The following SLC22A5 variants were observed in gnomAD, a reference collection of about 807,000 sequenced individuals.
SLC22A5 encodes organic cation/carnitine transporter 2.
SLC22A5 carries 44 observed loss-of-function variants against 56.7 expected under a neutral mutation model. The observed-to-expected ratio is 0.78, with a 90% CI of 0.61 to 1.00. The LOEUF is 1.00. Among genes scored for constraint, SLC22A5 ranks in the 50% least tolerant of loss-of-function variants. SLC22A5 has a pLI of 0.00. For synonymous variants in SLC22A5, 278 were observed against 292.1 expected (o/e 0.95, Z 0.49); for missense variants, 675 against 723.0 (o/e 0.93, Z 0.76).
At chr5:132,393,419 C>T (rs1396633256) in intron 8 of SLC22A5, among the ~76,000 whole-genome samples, 1 of 152,192 alleles carries the variant, frequency 6.6e-6, no homozygotes, top group East Asian at 1.9e-4. Context: ...CATGGCCCAG[C>T]TCTTCTACTG....
intron 1 of SLC22A5, among the ~76,000 whole-genome samples, chr5:132,371,444 C>T (rs1274647404): frequency 6.6e-6 from 1 of 152,132 alleles, no homozygotes. Flanking sequence ...GATTTTCCCT[C>T]TGGGTGGTTT....
intron 4 of SLC22A5, 114 bp from the exon 5 acceptor site, chr5:132,386,911 A>G (rs1413861229): frequency 3.5e-6 from 4 of 1,143,876 alleles, no homozygotes; most frequent in African/African-American, 1.5e-5. Flanking sequence ...ATCACCAAAC[A>G]TTCCACAAGC....
At chr5:132,387,565 A>C (rs190679027) in intron 5 of SLC22A5, among the ~76,000 whole-genome samples, 1 of 152,308 alleles carries the variant, frequency 6.6e-6, no homozygotes, top group East Asian at 1.9e-4. Context: ...GTAAAGCACA[A>C]ATAGATTTGG....
intron 1 of SLC22A5, among the ~76,000 whole-genome samples, chr5:132,371,762 A>C (rs1456908680): frequency 6.6e-6 from 1 of 152,110 alleles, no homozygotes; most frequent in Non-Finnish European, 1.5e-5. Context: ...ACCACCCAGC[A>C]GGACGGCGGA....
chr5:132,376,664 G>A (rs1356660863), intron 1 of SLC22A5: 1 of 152,224 alleles, frequency 6.6e-6, no homozygotes, highest in African/African-American at 2.4e-5. Flanking sequence ...AGAAACCGCT[G>A]CTGACCCTTT....
At chr5:132,388,120 C>A (rs4646306) in intron 5 of SLC22A5, among the ~76,000 whole-genome samples, 17 of 152,154 alleles carry the variant, frequency 1.1e-4, no homozygotes, top group African/African-American at 4.1e-4. Context: ...GGGTCCTGTG[C>A]GCAAAGGTCA....
Position 132,370,073 on chromosome 5 carries a change from T to G in SLC22A5, c.101T>G (p.Phe34Cys). Residue 34 changes from phenylalanine (F) to cysteine (C), a missense_variant, in exon 1 of 10, where the codon TTC (phenylalanine) becomes TGC (cysteine). By Grantham distance (205) the Phe-to-Cys change is radical. Transcript: ENST00000245407. ...AGCGCCAGCATCATCCCCAATGGCT[T>G]CACCGGCCTGTCCTCCGTGTTCCTG... ...LLSASIIPNG[F>C]TGLSSVFLIA... The G allele has an allele frequency of 1.2e-6, 2 of 1,613,046 alleles. No homozygotes were observed. The highest frequency in any genetic ancestry group is 1.7e-6 in the Non-Finnish European group (2 of 1,179,680).
chr5:132,380,923 G>C (rs1451733717), intron 2 of SLC22A5: 1 of 151,922 alleles, frequency 6.6e-6, no homozygotes, highest in Non-Finnish European at 1.5e-5. Flanking sequence ...AGGTTGCCTG[G>C]GGAGAGGGGA....
At chr5:132,391,387 C>T (rs1472020520) in intron 7 of SLC22A5, among the ~76,000 whole-genome samples, 1 of 152,090 alleles carries the variant, frequency 6.6e-6, no homozygotes, top group East Asian at 1.9e-4. Context: ...AAATAAAATG[C>T]TTAATATAGT....
chr5:132,375,488 T>TAGGAAGGGGCACACA, intron 1 of SLC22A5, among the ~76,000 whole-genome samples: 1 of 152,202 alleles, frequency 6.6e-6, no homozygotes, highest in Admixed American at 6.5e-5. Flanking sequence ...CCTATCTTTT[T>TAGGAAGGGGCACACA]TCCCTTCCTG....
intron 3 of SLC22A5, 54 bp from the exon 4 acceptor site, chr5:132,385,274 A>C: frequency 6.8e-7 from 1 of 1,479,248 alleles, no homozygotes; most frequent in Non-Finnish European, 9.4e-7. Context: ...TAAAAAATTA[A>C]TAAGGAAGGA....
Position 132,388,632 on chromosome 5 carries a change from G to T in SLC22A5, c.952-289G>T, listed in dbSNP as rs1382703027. On this transcript the variant is annotated intron_variant, in intron 5 of 9. Coordinates refer to ENST00000245407, the MANE Select transcript of SLC22A5 (RefSeq NM_003060.4). The stretch of plus-strand genomic sequence containing the variant: ...AATGTGGCCACCGACAGGAATATGT[G>T]GGGGTGCAGTGAGGAAGCTGTCAGC... Among the ~76,000 whole-genome samples the T allele has an allele frequency of 2.0e-5, 3 of 152,122 alleles. No homozygotes were observed. The East Asian group carries it at 5.8e-4, about 29-fold the overall frequency.
chr5:132,372,394 A>C (rs747444304), intron 1 of SLC22A5, among the ~76,000 whole-genome samples: 10 of 152,168 alleles, frequency 6.6e-5, no homozygotes, highest in Non-Finnish European at 1.0e-4. Flanking sequence ...AAGCAAGAAG[A>C]AGCACATGGC....
chr5:132,392,396 G>A (rs1212191863), intron 7 of SLC22A5, 37 bp from the exon 8 acceptor site: 1 of 1,584,484 alleles, frequency 6.3e-7, no homozygotes, highest in African/African-American at 1.3e-5. Context: ...GCCATGGGTT[G>A]GTACCTACTC....
chr5:132,369,740 G>T lies in SLC22A5; in HGVS notation c.-233G>T. 1 of 476,984 alleles carries T rather than the reference G, an allele frequency of 2.1e-6. No homozygotes were observed. Among genetic ancestry groups the T allele is most frequent in the Non-Finnish European group, 3.5e-6 (1 of 283,698 alleles). 29.5% of individuals were successfully genotyped at this position (476,984 alleles called of 1,614,324 possible). ...CGCCGGCGCCGCTCTGCCTGCCAGC[G>T]GGGCGCGCCTTGCGGCCCAGGCCCG... On this transcript the variant is annotated 5_prime_UTR_variant, in exon 1 of 10. Coordinates refer to ENST00000245407, the MANE Select transcript of SLC22A5 (RefSeq NM_003060.4).
rs1410043581 is a variant in SLC22A5 at position 132,388,763 on chromosome 5, CT to C, written c.952-157del. 1.7e-4 allele frequency: 114 copies of C among 675,580 alleles called. 2 individuals are homozygous for C. The South Asian group carries it at 1.7e-3, about 10-fold the overall frequency. The allele number at this position is 675,580 out of a possible 1,614,324, so 41.8% of individuals were successfully genotyped here. A position where few individuals can be genotyped will look rare whatever the true frequency, so the allele number is the denominator to read the frequency against. On this transcript the variant is annotated intron_variant, in intron 5 of 9. Coordinates refer to ENST00000245407, the MANE Select transcript of SLC22A5 (RefSeq NM_003060.4). The stretch of plus-strand genomic sequence containing the variant: ...CAAGGCCTAGGGAAGTTTTCACAGC[CT>C]AAAACACAGTCAGTATACTTACTGT...
At chr5:132,391,956 C>T (rs1048356318) in intron 7 of SLC22A5, among the ~76,000 whole-genome samples, 8 of 152,228 alleles carry the variant, frequency 5.3e-5, no homozygotes, top group African/African-American at 1.9e-4. Flanking sequence ...GCTCTCCCAT[C>T]AGCACAGCAC....
intron 6 of SLC22A5, chr5:132,389,374 G>A (rs1752631479): frequency 2.8e-6 from 1 of 355,056 alleles, no homozygotes; most frequent in African/African-American, 2.1e-5. Context: ...CTTTTAAGAA[G>A]GATCTGAGTG....
intron 6 of SLC22A5, chr5:132,390,274 C>T: frequency 3.0e-6 from 1 of 333,356 alleles, no homozygotes; most frequent in South Asian, 2.5e-5. Flanking sequence ...ATCTTATCCC[C>T]CAAATCCTAT....
Sources: gnomAD v4.1 joint callset for allele counts (sites outside exome capture counted in the v4.1 genomes callset) on GRCh38, gnomAD v4.1.1 for gene constraint, MANE v1.5 for transcripts, NCBI Gene and HGNC (gene_info 2026-07-23, HGNC 2026-07-21) for gene names.